The following PANK1 variants were observed in gnomAD, a reference collection of about 807,000 sequenced individuals.
The protein encoded by PANK1 is pantothenate kinase 1, also known as pantothenic acid kinase 1.
Under a neutral mutation model 40.1 loss-of-function variants are expected in PANK1, and 18 were observed. That is an observed-to-expected ratio of 0.45 (90% CI 0.31 to 0.67). The LOEUF is 0.67. PANK1 is among the 30% of genes least tolerant of loss of function. The pLI is 0.06. For missense variants in PANK1, 457 were observed against 599.6 expected, an observed-to-expected ratio of 0.76 and a Z score of 2.48; for synonymous variants, 242 against 237.7, an observed-to-expected ratio of 1.02 and a Z score of -0.17.
chr10:89,628,658 T>A (rs945990914), intron 1 of PANK1, among the ~76,000 whole-genome samples: 12 of 152,202 alleles, frequency 7.9e-5, no homozygotes, highest in African/African-American at 2.9e-4. Flanking sequence ...ATGGATGAAA[T>A]ACATGGTGAA....
chr10:89,605,387 G>A (rs1187347451), intron 2 of PANK1, among the ~76,000 whole-genome samples: 2 of 152,234 alleles, frequency 1.3e-5, no homozygotes, highest in African/African-American at 4.8e-5. Context: ...CTCAAACTCT[G>A]CCACTGCTTT....
intron 1 of PANK1, among the ~76,000 whole-genome samples, chr10:89,631,827 T>C (rs563579834): frequency 2.7e-4 from 41 of 152,322 alleles, no homozygotes; most frequent in Non-Finnish European, 5.3e-4. Flanking sequence ...TTTTCAATTA[T>C]CCACCTACAA....
intron 1 of PANK1, among the ~76,000 whole-genome samples, chr10:89,637,520 A>C (rs1259013068): frequency 6.6e-6 from 1 of 152,240 alleles, no homozygotes; most frequent in African/African-American, 2.4e-5. Context: ...GTATTTGTGT[A>C]TCTAAACATA....
At position 89,645,037 on chromosome 10, in the gene PANK1, C is replaced by CGCTCCTCCCCTCCTCCTGCCG. The variant is rs1842075433; in HGVS notation, c.-167_-147dup. On this transcript the variant is annotated 5_prime_UTR_variant, in exon 1 of 7. Coordinates refer to ENST00000307534, the MANE Select transcript of PANK1 (RefSeq NM_148977.3). ...CGGCGCCTGGGGATGGCGAACCCGG[C>CGCTCCTCCCCTCCTCCTGCCG]GCTCCTCCCCTCCTCCTGCCGACTC... 6.4e-7 allele frequency: 1 copy of CGCTCCTCCCCTCCTCCTGCCG among 1,564,706 alleles called. No individual in the cohort carries two copies. The highest frequency in any genetic ancestry group is 1.4e-5 in the African/African-American group (1 of 70,526).
chr10:89,621,331 C>A (rs1845479285), intron 1 of PANK1, among the ~76,000 whole-genome samples: 1 of 151,862 alleles, frequency 6.6e-6, no homozygotes, highest in African/African-American at 2.4e-5. Flanking sequence ...CTTGTTAAAT[C>A]CAATTGTGTA....
chr10:89,641,899 T>C lies in PANK1; in HGVS notation c.292+2701A>G, dbSNP rs1189740674. ...TCAGCTCTGAAGTGTCATAGAATTC[T>C]GAAGGTACAGGAAACAGCACTTGGA... is the stretch of plus-strand genomic sequence containing the variant. On this transcript the variant is annotated intron_variant, in intron 1 of 6. Coordinates refer to ENST00000307534, the MANE Select transcript of PANK1 (RefSeq NM_148977.3). 2.0e-5 allele frequency among the ~76,000 whole-genome samples: 3 copies of C among 152,150 alleles called. No homozygotes were observed. The East Asian group carries it at 5.8e-4, about 29-fold the overall frequency.
At chr10:89,598,884 G>T (rs1308160688) in intron 3 of PANK1, among the ~76,000 whole-genome samples, 1 of 152,222 alleles carries the variant, frequency 6.6e-6, no homozygotes, top group East Asian at 1.9e-4. Flanking sequence ...AGGCATCAAT[G>T]AGGGTCCAAA....
intron 1 of PANK1, among the ~76,000 whole-genome samples, chr10:89,616,678 T>C (rs1026553985): frequency 8.6e-5 from 13 of 152,018 alleles, no homozygotes; most frequent in South Asian, 2.1e-4. Context: ...ATCCCAGCAC[T>C]TTGGGAGGCC....
intron 3 of PANK1, among the ~76,000 whole-genome samples, chr10:89,595,833 A>AAAAAAAT (rs1174267106): frequency 3.0e-5 from 1 of 33,778 alleles, no homozygotes; most frequent in African/African-American, 1.7e-4. Context: ...AAAAAAAAAA[A>AAAAAAAT]ATATATATAT....
chr10:89,611,687 C>A lies in PANK1; in HGVS notation c.645+9G>T. On this transcript the variant is annotated intron_variant, in intron 2 of 6. Transcript: ENST00000307534. ...TTTTGATGTTTTAACAAAGACAAAC[C>A]CGACCTACCATTCTGAAGTCCTCTT... is the stretch of plus-strand genomic sequence containing the variant. The A allele has an allele frequency of 6.3e-7, 1 of 1,583,350 alleles. No homozygotes were observed. The highest frequency in any genetic ancestry group is 8.6e-7 in the Non-Finnish European group (1 of 1,160,906).
At chr10:89,582,488 A>G (rs1363219743), downstream of PANK1, 1 of 152,264 alleles carries the variant, frequency 6.6e-6, no homozygotes, top group Admixed American at 6.5e-5. Context: ...ATTAAAAAAA[A>G]TACAGTCACA....
rs79416045 is a variant in PANK1 at position 89,631,194 on chromosome 10, G to A, written c.292+13406C>T. 3.9e-3 allele frequency among the ~76,000 whole-genome samples: 589 copies of A among 152,296 alleles called. 5 individuals are homozygous for A. Among genetic ancestry groups the A allele is most frequent in the African/African-American group, 0.013 (558 of 41,566 alleles). On this transcript the variant is annotated intron_variant, in intron 1 of 6. Transcript: ENST00000307534. Reference sequence around the variant, plus strand: ...AGACTCCCTTGTCAAAGAAGGCAACGATGTATAAAATGAATCTGAAGCACA... The same window carrying A: ...AGACTCCCTTGTCAAAGAAGGCAACAATGTATAAAATGAATCTGAAGCACA...
chr10:89,586,930 C>A (rs1211899486), intron 6 of PANK1, among the ~76,000 whole-genome samples: 2 of 152,078 alleles, frequency 1.3e-5, no homozygotes, highest in Non-Finnish European at 2.9e-5. Flanking sequence ...AGTTCGAGAC[C>A]ATCCTGGCCA....
intron 2 of PANK1, among the ~76,000 whole-genome samples, chr10:89,603,262 T>G (rs1844842072): frequency 6.6e-6 from 1 of 152,196 alleles, no homozygotes. Flanking sequence ...AATAAACACA[T>G]AATTGGGAAG....
rs1426751539 is a variant in PANK1, at chr10:89,644,667, C to T, written c.225G>A (p.Gln75=). 1.9e-6 allele frequency: 3 copies of T among 1,571,098 alleles called. No individual in the cohort carries two copies. Among genetic ancestry groups the T allele is most frequent in the Non-Finnish European group, 2.6e-6 (3 of 1,164,658 alleles). The change falls in exon 1 of 7, where the codon CAG becomes CAA. Residue 75 remains glutamine (Q), a synonymous_variant. Coordinates refer to ENST00000307534, the MANE Select transcript of PANK1 (RefSeq NM_148977.3). ...GGCATTTCTTGGCCGGGGAGTCATG[C>T]TGAGGGAGCAGTGGCTGCGGCTGCA... The part of the protein sequence containing the change: ...PELQPQPLLP[Q]HDSPAKKCRL...
chr10:89,606,163 G>T (rs149732725), intron 2 of PANK1, among the ~76,000 whole-genome samples: 164 of 152,210 alleles, frequency 1.1e-3, no homozygotes, highest in African/African-American at 3.9e-3. Flanking sequence ...ATTCTTAAGG[G>T]CCACACGATT....
At chr10:89,639,123 A>T (rs574700910) in intron 1 of PANK1, 2 of 406,398 alleles carry the variant, frequency 4.9e-6, no homozygotes, top group Non-Finnish European at 1.0e-5. Context: ...GGTAATTAAT[A>T]ATGAACAGAA....
At chr10:89,601,201 G>A (rs1321256782) in intron 2 of PANK1, among the ~76,000 whole-genome samples, 4 of 151,420 alleles carry the variant, frequency 2.6e-5, no homozygotes, top group Non-Finnish European at 4.4e-5. Flanking sequence ...GGGCTGGGGT[G>A]TGGTAGTTCA....
intron 1 of PANK1, among the ~76,000 whole-genome samples, chr10:89,635,349 C>G (rs1841772652): frequency 6.6e-6 from 1 of 152,152 alleles, no homozygotes; most frequent in Non-Finnish European, 1.5e-5. Context: ...GCTGCATCAT[C>G]CCATGATAGA....
Sources: gnomAD v4.1 joint callset for allele counts (sites outside exome capture counted in the v4.1 genomes callset) on GRCh38, gnomAD v4.1.1 for gene constraint, MANE v1.5 for transcripts, NCBI Gene and HGNC (gene_info 2026-07-23, HGNC 2026-07-21) for gene names.